Variants in RBFOX1 observed in about 807,000 individuals in gnomAD.
The protein encoded by RBFOX1 is RNA binding fox-1 homolog 1.
In RBFOX1, 8 loss-of-function variants were observed where a neutral mutation model predicts 57.7. That is an observed-to-expected ratio of 0.14 (90% CI 0.08 to 0.25). The LOEUF is 0.25. Among genes scored for constraint, RBFOX1 ranks in the 10% least tolerant of loss-of-function variants. The probability of loss-of-function intolerance (pLI) is 1.00; values close to 1 mark genes in which losing one functional copy is unlikely to be tolerated. For synonymous variants in RBFOX1, 326 were observed against 222.4 expected (o/e 1.47, Z -4.15); for missense variants, 611 against 548.5 (o/e 1.11, Z -1.14).
rs997554035 is a variant in RBFOX1 at position 6,108,277 on chromosome 16, G to C, written c.-127+88285G>C. On this transcript the variant is annotated intron_variant, in intron 1 of 15. Transcript: ENST00000550418. ...AGTGTAGCAGAGTGGTTATAGAAGAGGGCCCCGGAATCAGCTTTCTGAGTT... is the reference window on the plus strand; with the variant it reads ...AGTGTAGCAGAGTGGTTATAGAAGACGGCCCCGGAATCAGCTTTCTGAGTT... 1.1e-4 allele frequency among the ~76,000 whole-genome samples: 17 copies of C among 152,170 alleles called. No homozygotes were observed. The East Asian group carries it at 3.1e-3, about 28-fold the overall frequency.
At chr16:6,555,488 A>G (rs1159087841) in intron 2 of RBFOX1, among the ~76,000 whole-genome samples, 1 of 152,156 alleles carries the variant, frequency 6.6e-6, no homozygotes, top group Non-Finnish European at 1.5e-5. Flanking sequence ...TCACGAGGTC[A>G]GGAGATCGAG....
chr16:6,674,403 C>G (rs796329267), intron 3 of RBFOX1, among the ~76,000 whole-genome samples: 28 of 152,114 alleles, frequency 1.8e-4, no homozygotes, highest in African/African-American at 6.7e-4. Flanking sequence ...CTCACCTCAA[C>G]CTCCGCCTCC....
intron 2 of RBFOX1, among the ~76,000 whole-genome samples, chr16:6,569,037 T>C (rs144584912): frequency 1.3e-5 from 2 of 152,236 alleles, no homozygotes; most frequent in South Asian, 2.1e-4. Flanking sequence ...CCTCCCACAA[T>C]ACTGGGATTA....
At chr16:6,075,241 G>C (rs184633992) in intron 1 of RBFOX1, among the ~76,000 whole-genome samples, 2 of 152,176 alleles carry the variant, frequency 1.3e-5, no homozygotes, top group South Asian at 4.1e-4. Context: ...TGCCATTACC[G>C]ATGCATAAAC....
At chr16:7,126,070 C>T (rs982514420) in intron 4 of RBFOX1, among the ~76,000 whole-genome samples, 1 of 151,958 alleles carries the variant, frequency 6.6e-6, no homozygotes. Flanking sequence ...GCGACAGAGC[C>T]GGACTCCATC....
chr16:5,885,817 G>C (rs2057884759), intron 4 of RBFOX1, among the ~76,000 whole-genome samples: 1 of 152,132 alleles, frequency 6.6e-6, no homozygotes, highest in Non-Finnish European at 1.5e-5. Context: ...AAGTATCTAG[G>C]TGCTGCTGCT....
At chr16:6,465,019 T>C (rs1258543702) in intron 2 of RBFOX1, among the ~76,000 whole-genome samples, 1 of 152,232 alleles carries the variant, frequency 6.6e-6, no homozygotes, top group Non-Finnish European at 1.5e-5. Context: ...ATAAACACAG[T>C]TTCTCATATC....
chr16:6,865,202 C>T (rs1410212225), intron 3 of RBFOX1, among the ~76,000 whole-genome samples: 1 of 151,672 alleles, frequency 6.6e-6, no homozygotes, highest in Non-Finnish European at 1.5e-5. Context: ...GGGGTTTTGC[C>T]ATGTTGGCCA....
chr16:6,158,683 C>G (rs959813994), intron 1 of RBFOX1, among the ~76,000 whole-genome samples: 1 of 152,136 alleles, frequency 6.6e-6, no homozygotes, highest in Non-Finnish European at 1.5e-5. Context: ...AAGTCCATGT[C>G]TTGGAGAGCT....
intron 5 of RBFOX1, among the ~76,000 whole-genome samples, chr16:7,530,025 G>T (rs989958872): frequency 1.3e-4 from 12 of 91,364 alleles, no homozygotes; most frequent in Admixed American, 4.2e-4. Context: ...AAAAAAAAAA[G>T]TGAATTTAGG....
intron 3 of RBFOX1, among the ~76,000 whole-genome samples, chr16:6,866,314 A>T (rs144020231): frequency 1.3e-5 from 2 of 152,170 alleles, no homozygotes; most frequent in African/African-American, 2.4e-5. Flanking sequence ...GTTTCAAGCT[A>T]TGATGAAACA....
At chr16:7,191,059 G>T (rs2085260654) in intron 4 of RBFOX1, among the ~76,000 whole-genome samples, 1 of 152,008 alleles carries the variant, frequency 6.6e-6, no homozygotes, top group South Asian at 2.1e-4. Context: ...GGGACCCCTT[G>T]GATGTGAGTG....
chr16:7,165,963 C>CACACACACAT lies in RBFOX1; in HGVS notation c.27+113868_27+113869insCACACATACA, dbSNP rs1251061172. Among the ~76,000 whole-genome samples, 338 of 76,122 alleles carry CACACACACAT rather than the reference C, an allele frequency of 4.4e-3. 2 individuals are homozygous for CACACACACAT. The highest frequency in any genetic ancestry group is 0.011 in the African/African-American group (325 of 28,664). The allele number at this position is 76,122 out of a possible 152,430, so 49.9% of individuals were successfully genotyped here. A position where few individuals can be genotyped will look rare whatever the true frequency, so the allele number is the denominator to read the frequency against. ...ACACACACACACACACACACACACACACATACATACATACACCCCAGATTT... is the reference window on the plus strand; with the variant it reads ...ACACACACACACACACACACACACACACACACACATACATACATACATACACCCCAGATTT... On this transcript the variant is annotated intron_variant, in intron 4 of 15. Transcript: ENST00000550418.
At chr16:6,436,438 T>C (rs999813700) in intron 2 of RBFOX1, among the ~76,000 whole-genome samples, 1 of 151,500 alleles carries the variant, frequency 6.6e-6, no homozygotes, top group Non-Finnish European at 1.5e-5. Context: ...TTATACATGA[T>C]ACAGACCAAA....
At chr16:6,258,321 T>C (rs926439403) in intron 1 of RBFOX1, among the ~76,000 whole-genome samples, 1 of 151,748 alleles carries the variant, frequency 6.6e-6, no homozygotes, top group African/African-American at 2.4e-5. Flanking sequence ...ACAGCAAAGA[T>C]ACACTGTCAT....
chr16:5,258,494 T>C (rs1173234871), intron 1 of RBFOX1, among the ~76,000 whole-genome samples: 3 of 152,224 alleles, frequency 2.0e-5, no homozygotes, highest in Non-Finnish European at 2.9e-5. Flanking sequence ...TACATTCAGA[T>C]GTCTTGTCCT....
At chr16:5,954,745 G>T (rs1177320691) in intron 4 of RBFOX1, among the ~76,000 whole-genome samples, 1 of 152,046 alleles carries the variant, frequency 6.6e-6, no homozygotes, top group Non-Finnish European at 1.5e-5. Flanking sequence ...CCCGGCACTT[G>T]GCCAAATTGC....
intron 2 of RBFOX1, among the ~76,000 whole-genome samples, chr16:6,324,563 C>G (rs1460765068): frequency 6.6e-6 from 1 of 152,110 alleles, no homozygotes; most frequent in East Asian, 1.9e-4. Context: ...GCACTTTAAA[C>G]AACCAGATGT....
intron 3 of RBFOX1, among the ~76,000 whole-genome samples, chr16:6,909,559 C>G (rs1367605018): frequency 6.6e-6 from 1 of 152,212 alleles, no homozygotes; most frequent in African/African-American, 2.4e-5. Context: ...AGCAAACATG[C>G]ATTCATATTC....
Sources: allele counts gnomAD v4.1 joint callset (sites outside exome capture counted in the v4.1 genomes callset), GRCh38; gene constraint gnomAD v4.1.1; transcripts MANE v1.5; gene names NCBI Gene and HGNC (gene_info 2026-07-23, HGNC 2026-07-21).